C10orf90: variants seen among roughly 807,000 people sequenced by gnomAD.
C10orf90 encodes the protein (E2-independent) E3 ubiquitin-conjugating enzyme FATS.
C10orf90 carries 56 observed loss-of-function variants against 62.5 expected under a neutral mutation model. The ratio of observed to expected loss-of-function variants is 0.90; its 90% CI spans 0.72 to 1.12. C10orf90 has a LOEUF of 1.12. C10orf90 is among the 50% of genes most tolerant of loss of function. C10orf90 has a pLI of 0.00. For missense variants in C10orf90, 970 were observed against 880.4 expected, an observed-to-expected ratio of 1.10 and a Z score of -1.29; for synonymous variants, 386 against 340.4, an observed-to-expected ratio of 1.13 and a Z score of -1.47.
chr10:126,471,765 A>G (rs1860598453), intron 4 of C10orf90, among the ~76,000 whole-genome samples: 1 of 152,192 alleles, frequency 6.6e-6, no homozygotes, highest in Non-Finnish European at 1.5e-5. Context: ...CACACAAAGA[A>G]TATATAGAAA....
At chr10:126,606,454 T>G (rs1303582693) in intron 2 of C10orf90, among the ~76,000 whole-genome samples, 3 of 152,212 alleles carry the variant, frequency 2.0e-5, no homozygotes, top group Non-Finnish European at 4.4e-5. Context: ...TCCCTTTGAA[T>G]AAGAATGAAG....
chr10:126,589,991 T>G (rs528123660), intron 2 of C10orf90, among the ~76,000 whole-genome samples: 1 of 152,022 alleles, frequency 6.6e-6, no homozygotes, highest in Non-Finnish European at 1.5e-5. Flanking sequence ...TTTAAAGGGA[T>G]GGAGGAAAAT....
chr10:126,581,344 G>T (rs7895583), intron 2 of C10orf90, among the ~76,000 whole-genome samples: 3,739 of 152,300 alleles, frequency 0.025, 143 homozygotes, highest in African/African-American at 0.084. Context: ...TGACTCTACA[G>T]CCATTTTCCT....
At chr10:126,645,055 G>A (rs1263183051) in intron 2 of C10orf90, among the ~76,000 whole-genome samples, 2 of 150,564 alleles carry the variant, frequency 1.3e-5, no homozygotes, top group Non-Finnish European at 3.0e-5. Flanking sequence ...GGTGGGAATT[G>A]AACAATGAGA....
chr10:126,565,416 T>TATATTATATATTATATTATATAA (rs1281192950), intron 2 of C10orf90, among the ~76,000 whole-genome samples: 3 of 15,664 alleles, frequency 1.9e-4, no homozygotes, highest in African/African-American at 5.0e-4. Context: ...ATAATATATA[T>TATATTATATATTATATTATATAA]TATATATATT....
chr10:126,605,654 G>A lies in C10orf90; in HGVS notation c.313+40911C>T, dbSNP rs569510349. On this transcript the variant is annotated intron_variant, in intron 2 of 9. Coordinates refer to ENST00000488181, the MANE Select transcript of C10orf90 (RefSeq NM_001350921.2). ...AGAAAAGGAGGTTCCAAGGTCTCCCGCTGGTGCCGTGAAGATAACTGCACT... is the reference window on the plus strand; with the variant it reads ...AGAAAAGGAGGTTCCAAGGTCTCCCACTGGTGCCGTGAAGATAACTGCACT... Among the ~76,000 whole-genome samples, 16 of 152,178 alleles carry A rather than the reference G, an allele frequency of 1.1e-4. No individual in the cohort carries two copies. The South Asian group carries it at 2.7e-3, about 26-fold the overall frequency.
rs57143666 is a variant in C10orf90, at chr10:126,508,158, T to TGAGAGAGAGAGAGAGAGA, written c.406-3091_406-3074dup. ...AAACCACCTAGAGTGAATGAGTGAG[T>TGAGAGAGAGAGAGAGAGA]GAGAGAGAGAGAGAGAGAGAGAGAG... On this transcript the variant is annotated intron_variant, in intron 3 of 9. Transcript: ENST00000488181. Among the ~76,000 whole-genome samples, 63 of 131,518 alleles carry TGAGAGAGAGAGAGAGAGA rather than the reference T, an allele frequency of 4.8e-4. 2 individuals are homozygous for TGAGAGAGAGAGAGAGAGA. Among genetic ancestry groups the TGAGAGAGAGAGAGAGAGA allele is most frequent in the Admixed American group, 8.9e-4 (12 of 13,410 alleles). The allele number at this position is 131,518 out of a possible 152,430, so 86.3% of individuals were successfully genotyped here.
chr10:126,440,055 G>A (rs1858205892), intron 7 of C10orf90, among the ~76,000 whole-genome samples: 1 of 152,224 alleles, frequency 6.6e-6, no homozygotes, highest in African/African-American at 2.4e-5. Context: ...AAGCCTCCTG[G>A]CAGGAATTCA....
intron 2 of C10orf90, among the ~76,000 whole-genome samples, chr10:126,544,184 G>C (rs74878019): frequency 0.018 from 2,673 of 152,318 alleles, 89 homozygotes; most frequent in African/African-American, 0.06. Flanking sequence ...TTTTCGAGAT[G>C]GACCTGGCCC....
chr10:126,605,522 A>G (rs189423808), intron 2 of C10orf90, among the ~76,000 whole-genome samples: 75 of 152,342 alleles, frequency 4.9e-4, no homozygotes, highest in African/African-American at 1.5e-3. Context: ...AGCCTGTGGA[A>G]GTGGTCCTGG....
intron 2 of C10orf90, among the ~76,000 whole-genome samples, chr10:126,536,633 G>C (rs117204027): frequency 3.4e-4 from 52 of 152,244 alleles, no homozygotes; most frequent in Non-Finnish European, 6.2e-4. Context: ...TTTTAGCTTT[G>C]GTGCTCTCCA....
chr10:126,547,194 C>T (rs1031681869), intron 2 of C10orf90, among the ~76,000 whole-genome samples: 14 of 151,814 alleles, frequency 9.2e-5, no homozygotes, highest in East Asian at 1.9e-4. Context: ...CCGAGGCGGG[C>T]GGATCAGGAG....
intron 4 of C10orf90, among the ~76,000 whole-genome samples, chr10:126,471,510 G>C (rs190300753): frequency 1.3e-5 from 2 of 152,262 alleles, no homozygotes; most frequent in Admixed American, 1.3e-4. Context: ...TGGGAGCTTG[G>C]GCAGATGGTC....
At chr10:126,520,034 C>G (rs1863653603) in intron 2 of C10orf90, 1 of 152,350 alleles carries the variant, frequency 6.6e-6, no homozygotes. Context: ...GAGCAAAAAC[C>G]AAACGCCTGA....
intron 2 of C10orf90, among the ~76,000 whole-genome samples, chr10:126,629,362 TG>T (rs1459805094): frequency 1.3e-5 from 2 of 152,210 alleles, no homozygotes; most frequent in African/African-American, 4.8e-5. Flanking sequence ...TCATGAGCAA[TG>T]TCTGATGGAT....
chr10:126,550,756 T>G (rs1864613640), intron 2 of C10orf90, among the ~76,000 whole-genome samples: 1 of 152,154 alleles, frequency 6.6e-6, no homozygotes, highest in Non-Finnish European at 1.5e-5. Context: ...GTGATTCACC[T>G]GTTCCAGCCT....
In C10orf90 at chr10:126,634,440, A is replaced by G. The variant is rs574436968; in HGVS notation, c.313+12125T>C. On this transcript the variant is annotated intron_variant, in intron 2 of 9. Coordinates refer to ENST00000488181, the MANE Select transcript of C10orf90 (RefSeq NM_001350921.2). The stretch of plus-strand genomic sequence containing the variant: ...AGCAGAATTCATAGAGTCAAAAAAC[A>G]GTGGTTACCAGAGCTGGAAGGCAGG... 2.3e-4 allele frequency among the ~76,000 whole-genome samples: 35 copies of G among 152,320 alleles called. 1 individual carries two copies. Among genetic ancestry groups the G allele is most frequent in the African/African-American group, 8.2e-4 (34 of 41,562 alleles).
At chr10:126,594,283 GTGTC>G (rs1845040272) in intron 2 of C10orf90, among the ~76,000 whole-genome samples, 1 of 152,092 alleles carries the variant, frequency 6.6e-6, no homozygotes, top group South Asian at 2.1e-4. Context: ...GACAAATCGT[GTGTC>G]TGTGTGTGTG....
intron 4 of C10orf90, among the ~76,000 whole-genome samples, chr10:126,493,144 A>G (rs1292549337): frequency 6.7e-6 from 1 of 149,044 alleles, no homozygotes; most frequent in Non-Finnish European, 1.5e-5. Flanking sequence ...TGTATTTTGC[A>G]TAATCCCTCT....
Sources: gnomAD v4.1 joint callset for allele counts (sites outside exome capture counted in the v4.1 genomes callset) on GRCh38, gnomAD v4.1.1 for gene constraint, MANE v1.5 for transcripts, NCBI Gene and HGNC (gene_info 2026-07-23, HGNC 2026-07-21) for gene names.